Variants in ROBO4 observed in about 807,000 individuals in gnomAD.
The protein encoded by ROBO4 is roundabout homolog 4.
In ROBO4, 80 loss-of-function variants were observed where a neutral mutation model predicts 103.3. The ratio of observed to expected loss-of-function variants is 0.77; its 90% CI spans 0.65 to 0.93. The LOEUF is 0.93. ROBO4 is among the 40% of genes least tolerant of loss of function. ROBO4 has a pLI of 0.00. For synonymous variants in ROBO4, 504 were observed against 529.7 expected, an observed-to-expected ratio of 0.95 and a Z score of 0.67; for missense variants, 1,333 against 1,305.3, an observed-to-expected ratio of 1.02 and a Z score of -0.33.
chr11:124,883,756 A>C lies in ROBO4; in HGVS notation c.*1135T>G, dbSNP rs182441674. 3.3e-3 allele frequency: 497 copies of C among 149,324 alleles called. 3 individuals are homozygous for C. Among genetic ancestry groups the C allele is most frequent in the Non-Finnish European group, 5.6e-3 (379 of 67,454 alleles). 9.2% of individuals were successfully genotyped at this position (149,324 alleles called of 1,614,324 possible). A position where few individuals can be genotyped will look rare whatever the true frequency, so the allele number is the denominator to read the frequency against. Reference sequence around the variant, plus strand: ...GATCTCCTGACCTCATGATCTGCCTACCTCCGCCTCCCAAAGTGCTGGGAT... The same window carrying C: ...GATCTCCTGACCTCATGATCTGCCTCCCTCCGCCTCCCAAAGTGCTGGGAT... On this transcript the variant is annotated 3_prime_UTR_variant, in exon 18 of 18. Coordinates refer to ENST00000306534, the MANE Select transcript of ROBO4 (RefSeq NM_019055.6).
intron 3 of ROBO4, 40 bp downstream of exon 3, chr11:124,896,473 C>T: frequency 1.2e-6 from 2 of 1,606,890 alleles, no homozygotes; most frequent in African/African-American, 2.7e-5. Flanking sequence ...CCAGGTCTGC[C>T]CAGGCCAGGA....
At position 124,883,992 on chromosome 11, in the gene ROBO4, TAA is replaced by T. The variant is rs1565319886; in HGVS notation, c.*897_*898del. ...TTATCTTGAGGAGGTGGATTTAATA[TAA>T]GTTGCCAGGACCAGCAGACCCTGAA... On this transcript the variant is annotated 3_prime_UTR_variant, in exon 18 of 18. Transcript: ENST00000306534. 1 of 152,140 alleles carries T rather than the reference TAA, an allele frequency of 6.6e-6. No individual in the cohort carries two copies. The highest frequency in any genetic ancestry group is 1.5e-5 in the Non-Finnish European group (1 of 68,032). The allele number at this position is 152,140 out of a possible 1,614,324, so 9.4% of individuals were successfully genotyped here.
intron 16 of ROBO4, among the ~76,000 whole-genome samples, chr11:124,885,743 G>A (rs977101877): frequency 1.3e-5 from 2 of 152,176 alleles, no homozygotes; most frequent in African/African-American, 4.8e-5. Context: ...GAATGTCAGA[G>A]GTGAGCCCAG....
chr11:124,896,912 G>A lies in ROBO4; in HGVS notation c.400+20C>T. 1 of 1,604,492 alleles carries A rather than the reference G, an allele frequency of 6.2e-7. No homozygotes were observed. ...CCACCCAGGTTTGCCCCACCCTGAA[G>A]CTCCCCTCCCAGGCCTCACCAGCCA... On this transcript the variant is annotated intron_variant, in intron 2 of 17. Coordinates refer to ENST00000306534, the MANE Select transcript of ROBO4 (RefSeq NM_019055.6).
In ROBO4 at chr11:124,884,844, A is replaced by G. The variant is rs769704138; in HGVS notation, c.*47T>C. On this transcript the variant is annotated 3_prime_UTR_variant, in exon 18 of 18. Coordinates refer to ENST00000306534, the MANE Select transcript of ROBO4 (RefSeq NM_019055.6). Reference sequence around the variant, plus strand: ...CACAGCCCAGGTCTTGTGGGTGGACAGGAGAAGTGGTTCTGATTCCCGTCT... The same window carrying G: ...CACAGCCCAGGTCTTGTGGGTGGACGGGAGAAGTGGTTCTGATTCCCGTCT... 1 of 1,610,928 alleles carries G rather than the reference A, an allele frequency of 6.2e-7. No homozygotes were observed. Among genetic ancestry groups the G allele is most frequent in the African/African-American group, 1.3e-5 (1 of 74,994 alleles).
intron 13 of ROBO4, 94 bp from the exon 14 acceptor site, chr11:124,887,593 T>C (rs1000168368): frequency 6.4e-7 from 1 of 1,561,672 alleles, no homozygotes; most frequent in Non-Finnish European, 8.7e-7. Flanking sequence ...CTTAGCTACC[T>C]GTCCACTACT....
At chr11:124,894,959 G>C (rs927592248) in intron 7 of ROBO4, 122 bp downstream of exon 7, 1 of 750,924 alleles carries the variant, frequency 1.3e-6, no homozygotes, top group African/African-American at 1.7e-5. Context: ...AGCAAAAGCA[G>C]GTTTCCTTTG....
rs751371459 is a variant in ROBO4 at position 124,891,422 on chromosome 11, G to C, written c.1825C>G (p.Pro609Ala). 1 of 1,590,028 alleles carries C rather than the reference G, an allele frequency of 6.3e-7. No homozygotes were observed. Among genetic ancestry groups the C allele is most frequent in the East Asian group, 2.2e-5 (1 of 44,708 alleles). Residue 609 changes from proline to alanine, a missense_variant, in exon 12 of 18, where the codon CCC (proline) becomes GCC (alanine). By Grantham distance (27) the Pro-to-Ala change is conservative. Coordinates refer to ENST00000306534, the MANE Select transcript of ROBO4 (RefSeq NM_019055.6). Reference protein sequence around the residue: ...PQVPAVRRLPPQLAQLSSPCS... With the variant: ...PQVPAVRRLPAQLAQLSSPCS... ...GGGCTGGAGAGCTGGGCCAGCTGGGGTGGGAGGCGCCTGACAGCTGGGACC... is the reference window on the plus strand; with the variant it reads ...GGGCTGGAGAGCTGGGCCAGCTGGGCTGGGAGGCGCCTGACAGCTGGGACC...
chr11:124,887,588 C>G, intron 13 of ROBO4, 89 bp from the exon 14 acceptor site: 2 of 1,573,280 alleles, frequency 1.3e-6, no homozygotes, highest in South Asian at 1.2e-5. Context: ...GCCCCCTTAG[C>G]TACCTGTCCA....
At position 124,894,229 on chromosome 11, in the gene ROBO4, C is replaced by T; in HGVS notation, c.1290G>A (p.Glu430=). 1.9e-6 allele frequency: 3 copies of T among 1,613,336 alleles called. No homozygotes were observed. The highest frequency in any genetic ancestry group is 2.5e-6 in the Non-Finnish European group (3 of 1,179,776). ...AAAGGAGGCAGACAGGTCTACTGGG[C>T]TCCCCAGCTCCAGCACCAGTGACTG... The part of the protein sequence containing the change: ...VAAVTGAGAG[E]PSRPVCLLLE... The change falls in exon 8 of 18, where the codon GAG becomes GAA. Residue 430 remains glutamate, a synonymous_variant. Coordinates refer to ENST00000306534, the MANE Select transcript of ROBO4 (RefSeq NM_019055.6).
intron 4 of ROBO4, 126 bp downstream of exon 4, chr11:124,896,072 C>G: frequency 6.6e-7 from 1 of 1,515,122 alleles, no homozygotes; most frequent in Non-Finnish European, 8.9e-7. Context: ...GGGAACCTCC[C>G]GCTACGTGAG....
chr11:124,884,789 G>T lies in ROBO4; in HGVS notation c.*102C>A. The T allele has an allele frequency of 7.7e-7, 1 of 1,306,658 alleles. No homozygotes were observed. Among genetic ancestry groups the T allele is most frequent in the Non-Finnish European group, 1.1e-6 (1 of 902,206 alleles). 80.9% of individuals were successfully genotyped at this position (1,306,658 alleles called of 1,614,324 possible). On this transcript the variant is annotated 3_prime_UTR_variant, in exon 18 of 18. Transcript: ENST00000306534. ...AGGCTTGGGAAGGTGGACCCCAGCTGCAGAGAAACACAGGCCAAGACCCAC... is the reference window on the plus strand; with the variant it reads ...AGGCTTGGGAAGGTGGACCCCAGCTTCAGAGAAACACAGGCCAAGACCCAC...
chr11:124,895,223 G>C (rs1211666148), intron 6 of ROBO4, 30 bp from the exon 7 acceptor site: 2 of 1,532,978 alleles, frequency 1.3e-6, no homozygotes. Context: ...ACTATGAGGG[G>C]CTCTGAGGGA....
Position 124,891,691 on chromosome 11 carries a change from C to T in ROBO4, c.1659G>A (p.Arg553=). 6.2e-7 allele frequency: 1 copy of T among 1,614,150 alleles called. No individual in the cohort carries two copies. The highest frequency in any genetic ancestry group is 1.1e-5 in the South Asian group (1 of 91,078). ...AGGAGCGACGACAGTCTAGTGGGTCCCGGGCATCCGCCCCCAGCCGACTGC... is the reference window on the plus strand; with the variant it reads ...AGGAGCGACGACAGTCTAGTGGGTCTCGGGCATCCGCCCCCAGCCGACTGC... The part of the protein sequence containing the change: ...SLSSRLGADA[R]DPLDCRRSLL... The change falls in exon 11 of 18, where the codon CGG becomes CGA. Residue 553 remains arginine (R), a synonymous_variant. Coordinates refer to ENST00000306534, the MANE Select transcript of ROBO4 (RefSeq NM_019055.6).
chr11:124,889,631 C>T (rs1255740884), intron 12 of ROBO4, among the ~76,000 whole-genome samples: 2 of 152,064 alleles, frequency 1.3e-5, no homozygotes, highest in African/African-American at 4.8e-5. Flanking sequence ...AACTAAGAAC[C>T]TGCTATGATG....
At chr11:124,887,984 C>T in intron 12 of ROBO4, 144 bp from the exon 13 acceptor site, 1 of 648,958 alleles carries the variant, frequency 1.5e-6, no homozygotes, top group Non-Finnish European at 2.6e-6. Context: ...ATCCCCTCCA[C>T]ACCCCCATCT....
intron 15 of ROBO4, 43 bp downstream of exon 15, chr11:124,886,934 A>G: frequency 6.4e-7 from 1 of 1,570,236 alleles, no homozygotes; most frequent in South Asian, 1.2e-5. Flanking sequence ...GCTTGCCCCC[A>G]CAGCTTTTCT....
chr11:124,887,854 G>T lies in ROBO4; in HGVS notation c.1949-14C>A. On this transcript the variant is annotated splice_polypyrimidine_tract_variant and intron_variant, in intron 12 of 17. Transcript: ENST00000306534. ...CATGCTGCAGCTCTGCAAAGAAAGG[G>T]TTGGTGGTTGTGGGGCCCAGGATGG... 2 of 1,607,522 alleles carry T rather than the reference G, an allele frequency of 1.2e-6. No homozygotes were observed. The highest frequency in any genetic ancestry group is 1.7e-6 in the Non-Finnish European group (2 of 1,177,074).
Position 124,886,283 on chromosome 11 carries a change from G to A in ROBO4, c.2794+181C>T, listed in dbSNP as rs1375265199. 20 of 571,466 alleles carry A rather than the reference G, an allele frequency of 3.5e-5. No individual in the cohort carries two copies. The Admixed American group carries it at 6.5e-4, about 19-fold the overall frequency. 35.4% of individuals were successfully genotyped at this position (571,466 alleles called of 1,614,324 possible). On this transcript the variant is annotated intron_variant, in intron 16 of 17. Coordinates refer to ENST00000306534, the MANE Select transcript of ROBO4 (RefSeq NM_019055.6). ...ACTTACAGTTTCCTCATTAGGATAA[G>A]AGAGATAAAGAATATTCCACATAGA...
Sources: allele counts gnomAD v4.1 joint callset (sites outside exome capture counted in the v4.1 genomes callset), GRCh38; gene constraint gnomAD v4.1.1; transcripts MANE v1.5; gene names NCBI Gene and HGNC (gene_info 2026-07-23, HGNC 2026-07-21).